The following TEX9 variants were observed in gnomAD, a reference collection of about 807,000 sequenced individuals.
The protein encoded by TEX9 is testis-expressed protein 9.
Under a neutral mutation model 59.6 loss-of-function variants are expected in TEX9, and 74 were observed. That is an observed-to-expected ratio of 1.24 (90% CI 1.03 to 1.51). TEX9 has a LOEUF of 1.51. TEX9 is among the 40% of genes most tolerant of loss of function. The probability of loss-of-function intolerance (pLI) is 0.00; values close to 1 mark genes in which losing one functional copy is unlikely to be tolerated. For missense variants in TEX9, 522 were observed against 447.8 expected (o/e 1.17, Z -1.49); for synonymous variants, 186 against 152.2 (o/e 1.22, Z -1.64).
chr15:56,364,512 C>T (rs531077385), upstream of TEX9, among the ~76,000 whole-genome samples: 1 of 148,624 alleles, frequency 6.7e-6, no homozygotes, highest in South Asian at 2.1e-4. Flanking sequence ...ATCTAAGAAT[C>T]CATCAAGGAT....
At chr15:56,260,560 C>T (rs1325696850) in intron 1 of TEX9, among the ~76,000 whole-genome samples, 4 of 151,856 alleles carry the variant, frequency 2.6e-5, no homozygotes, top group Non-Finnish European at 5.9e-5. Context: ...TATTGATTAA[C>T]TTTTTAAACC....
Position 56,407,815 on chromosome 15 carries a change from G to T in TEX9, c.829-4487G>T, listed in dbSNP as rs140902318. ...TTTCATTAAGGAAACAGAATCAAAA[G>T]ATAACTTTATCATCCTTTCACTAAA... On this transcript the variant is annotated intron_variant, in intron 9 of 12. Transcript: ENST00000352903. 3.9e-5 allele frequency among the ~76,000 whole-genome samples: 6 copies of T among 152,174 alleles called. No individual in the cohort carries two copies. In the East Asian group the frequency reaches 1.2e-3, roughly 29 times the overall value.
intron 12 of TEX9, among the ~76,000 whole-genome samples, chr15:56,433,421 AATAT>A (rs1567147032): frequency 3.3e-5 from 5 of 150,494 alleles, no homozygotes; most frequent in Non-Finnish European, 7.4e-5. Context: ...GGAACTTAAA[AATAT>A]TAAAAAAATA....
intron 10 of TEX9, 128 bp downstream of exon 10, chr15:56,412,564 A>C (rs572483752): frequency 3.8e-5 from 40 of 1,063,642 alleles, no homozygotes; most frequent in East Asian, 3.4e-4. Context: ...TTCAGAAGAA[A>C]TATATTCATT....
intron 10 of TEX9, among the ~76,000 whole-genome samples, chr15:56,416,682 T>C (rs2049702303): frequency 6.6e-6 from 1 of 151,722 alleles, no homozygotes; most frequent in Non-Finnish European, 1.5e-5. Flanking sequence ...TTTTTGGTTG[T>C]CTGTCTGCCA....
chr15:56,423,810 G>A (rs1230485304), intron 10 of TEX9, among the ~76,000 whole-genome samples: 2 of 152,114 alleles, frequency 1.3e-5, no homozygotes, highest in African/African-American at 4.8e-5. Flanking sequence ...GGAACAGGTG[G>A]TGTTGGTTAC....
At chr15:56,321,161 A>G (rs2045892993) in intron 1 of TEX9, among the ~76,000 whole-genome samples, 1 of 152,184 alleles carries the variant, frequency 6.6e-6, no homozygotes, top group South Asian at 2.1e-4. Flanking sequence ...GCGAATGATT[A>G]GTGGGTGTGA....
chr15:56,342,262 G>A (rs1718919851), intron 1 of TEX9, among the ~76,000 whole-genome samples: 1 of 152,004 alleles, frequency 6.6e-6, no homozygotes, highest in African/African-American at 2.4e-5. Flanking sequence ...AAGCTTTTGA[G>A]GTAGGAAATG....
chr15:56,250,376 A>G (rs2043986426), intron 1 of TEX9, among the ~76,000 whole-genome samples: 1 of 152,164 alleles, frequency 6.6e-6, no homozygotes, highest in South Asian at 2.1e-4. Flanking sequence ...TGAAGGATTT[A>G]TAAAGGTGGG....
At chr15:56,350,587 G>T (rs1045714005) in intron 1 of TEX9, among the ~76,000 whole-genome samples, 1 of 152,188 alleles carries the variant, frequency 6.6e-6, no homozygotes, top group Non-Finnish European at 1.5e-5. Context: ...ATCTAGAATA[G>T]CCTTGTGACC....
intron 3 of TEX9, among the ~76,000 whole-genome samples, chr15:56,376,545 G>A (rs1488057205): frequency 1.3e-5 from 2 of 152,024 alleles, no homozygotes; most frequent in African/African-American, 2.4e-5. Context: ...TTTGCCATGT[G>A]TGTGTTTTTC....
At chr15:56,438,018 A>G (rs1344680813) in intron 12 of TEX9, among the ~76,000 whole-genome samples, 1 of 152,246 alleles carries the variant, frequency 6.6e-6, no homozygotes, top group Non-Finnish European at 1.5e-5. Context: ...AAGAATCAAT[A>G]TCGTGAAAAT....
chr15:56,430,487 T>G (rs1409549109), intron 12 of TEX9, among the ~76,000 whole-genome samples: 1 of 152,204 alleles, frequency 6.6e-6, no homozygotes, highest in East Asian at 1.9e-4. Context: ...ATTATAGGCA[T>G]GAGTTGCCAT....
chr15:56,361,614 A>C (rs1401664279), upstream of TEX9, among the ~76,000 whole-genome samples: 1 of 151,970 alleles, frequency 6.6e-6, no homozygotes, highest in Admixed American at 6.6e-5. Flanking sequence ...CCCCCTCCCT[A>C]CCATATATTG....
At chr15:56,269,210 C>G (rs1239185862) in intron 1 of TEX9, among the ~76,000 whole-genome samples, 1 of 152,080 alleles carries the variant, frequency 6.6e-6, no homozygotes, top group Admixed American at 6.6e-5. Flanking sequence ...TGATTCTTCT[C>G]TCTTTTCTTC....
chr15:56,395,850 G>A (rs1470851753), intron 9 of TEX9: 1 of 151,988 alleles, frequency 6.6e-6, no homozygotes, highest in African/African-American at 2.4e-5. Context: ...GAACTTTTAA[G>A]TTCTTTATGT....
At chr15:56,345,175 C>T (rs889282476) in intron 1 of TEX9, among the ~76,000 whole-genome samples, 2 of 151,294 alleles carry the variant, frequency 1.3e-5, no homozygotes, top group Non-Finnish European at 2.9e-5. Context: ...AGCTTATCTC[C>T]TCCCAGATTA....
upstream of TEX9, among the ~76,000 whole-genome samples, chr15:56,364,602 T>G (rs2046860756): frequency 6.6e-6 from 1 of 152,188 alleles, no homozygotes; most frequent in African/African-American, 2.4e-5. Context: ...GCTCCTAAGT[T>G]TAGGTCTTTG....
In TEX9 at chr15:56,283,803, AG is replaced by A. The variant is rs2044876317; in HGVS notation, c.-107+39526del. On this transcript the variant is annotated intron_variant, in intron 1 of 5. Transcript: ENST00000560827. ...ATTAAGAGACAAACATAAACCTGGAAGAAAAAAAAATCACAATTAATTTGGT... is the reference window on the plus strand; with the variant it reads ...ATTAAGAGACAAACATAAACCTGGAAAAAAAAAAATCACAATTAATTTGGT... Among the ~76,000 whole-genome samples the A allele has an allele frequency of 2.0e-5, 3 of 152,172 alleles. 1 individual carries two copies. In the South Asian group the frequency reaches 6.2e-4, roughly 31 times the overall value.
Sources: gnomAD v4.1 joint callset for allele counts (sites outside exome capture counted in the v4.1 genomes callset) on GRCh38, gnomAD v4.1.1 for gene constraint, MANE v1.5 for transcripts, NCBI Gene and HGNC (gene_info 2026-07-23, HGNC 2026-07-21) for gene names.